The following GNG4 variants were observed in gnomAD, a reference collection of about 807,000 sequenced individuals.
The protein encoded by GNG4 is guanine nucleotide-binding protein G(I)/G(S)/G(O) subunit gamma-4.
In GNG4, 4 loss-of-function variants were observed where a neutral mutation model predicts 5.8. That is an observed-to-expected ratio of 0.69 (90% CI 0.34 to 1.57). The LOEUF (loss-of-function observed/expected upper bound fraction) is 1.57, where lower values mean the gene tolerates loss of function less well. GNG4 is among the 40% of genes most tolerant of loss of function. The probability of loss-of-function intolerance (pLI) is 0.06; values close to 1 mark genes in which losing one functional copy is unlikely to be tolerated. For synonymous variants in GNG4, 29 were observed against 32.9 expected (o/e 0.88, Z 0.41); for missense variants, 96 against 95.1 (o/e 1.01, Z -0.04).
intron 1 of GNG4, among the ~76,000 whole-genome samples, chr1:235,620,041 C>G (rs1289704098): frequency 6.6e-6 from 1 of 152,172 alleles, no homozygotes; most frequent in Non-Finnish European, 1.5e-5. Context: ...CTTTCATAGA[C>G]AGCTACCTCA....
chr1:235,629,156 C>T (rs547631591), intron 1 of GNG4, among the ~76,000 whole-genome samples: 3 of 151,754 alleles, frequency 2.0e-5, no homozygotes, highest in African/African-American at 7.3e-5. Flanking sequence ...TAGCTGAGAC[C>T]CTAGGCACGT....
intron 3 of GNG4, among the ~76,000 whole-genome samples, chr1:235,575,603 G>A (rs547936349): frequency 6.6e-6 from 1 of 152,348 alleles, no homozygotes; most frequent in Admixed American, 6.5e-5. Context: ...CCCCACGGAT[G>A]TTGAAATTAT....
chr1:235,645,383 A>T (rs1225397119), intron 1 of GNG4, among the ~76,000 whole-genome samples: 2 of 152,198 alleles, frequency 1.3e-5, no homozygotes, highest in Non-Finnish European at 2.9e-5. Flanking sequence ...CTTTGCTAGA[A>T]ATCTCTCAAT....
At chr1:235,585,115 TC>T (rs1200540381) in intron 2 of GNG4, among the ~76,000 whole-genome samples, 1 of 151,768 alleles carries the variant, frequency 6.6e-6, no homozygotes, top group East Asian at 1.9e-4. Context: ...CTTCCTTCCT[TC>T]CCTCCCTCCT....
intron 2 of GNG4, among the ~76,000 whole-genome samples, chr1:235,594,205 A>G (rs752756084): frequency 2.0e-5 from 3 of 152,202 alleles, no homozygotes; most frequent in Non-Finnish European, 4.4e-5. Context: ...GTGTCGATTG[A>G]TGCATTCACA....
chr1:235,626,544 G>A (rs1183181328), intron 1 of GNG4, among the ~76,000 whole-genome samples: 2 of 152,080 alleles, frequency 1.3e-5, no homozygotes, highest in African/African-American at 4.8e-5. Flanking sequence ...CCTAATTCTG[G>A]TCCTGCTGAT....
chr1:235,650,541 C>T (rs1045597847), upstream of GNG4: 13 of 152,314 alleles, frequency 8.5e-5, no homozygotes, highest in African/African-American at 3.1e-4. Context: ...CGGAGAAACG[C>T]GGAATACCTG....
intron 1 of GNG4, among the ~76,000 whole-genome samples, chr1:235,634,467 A>G (rs902366743): frequency 1.3e-5 from 2 of 152,204 alleles, no homozygotes; most frequent in Non-Finnish European, 2.9e-5. Flanking sequence ...GCATTTTTCT[A>G]TCAACCGAGG....
At chr1:235,580,106 A>G (rs1376259138) in intron 3 of GNG4, among the ~76,000 whole-genome samples, 1 of 152,244 alleles carries the variant, frequency 6.6e-6, no homozygotes, top group Non-Finnish European at 1.5e-5. Flanking sequence ...GTTCTGATAC[A>G]GGCTACAACA....
chr1:235,636,561 A>T (rs771507889), intron 1 of GNG4, among the ~76,000 whole-genome samples: 2 of 152,178 alleles, frequency 1.3e-5, no homozygotes, highest in Non-Finnish European at 1.5e-5. Context: ...CTCCCATCAG[A>T]GACCTCCCAT....
rs1571889546 is a variant in GNG4 at position 235,578,226 on chromosome 1, A to G, written c.99+5514T>C. 2.0e-5 allele frequency among the ~76,000 whole-genome samples: 3 copies of G among 152,334 alleles called. No homozygotes were observed. In the South Asian group the frequency reaches 6.2e-4, roughly 32 times the overall value. On this transcript the variant is annotated intron_variant, in intron 3 of 3. Transcript: ENST00000391854. ...GGAAATACAAATGAAAGCTACAGCA[A>G]GATATCACATCAAACCTGTTAGGAT...
rs1185566220 is a variant in GNG4 at position 235,569,593 on chromosome 1, G to A, written c.99+14147C>T. On this transcript the variant is annotated intron_variant, in intron 3 of 3. Transcript: ENST00000391854. The stretch of plus-strand genomic sequence containing the variant: ...TGCCCAGGCTGGAGTGCAATGGCAC[G>A]ATCTTGGCTCACTAGATTCCTCATG... Among the ~76,000 whole-genome samples, 4 of 151,390 alleles carry A rather than the reference G, an allele frequency of 2.6e-5. No individual in the cohort carries two copies. The East Asian group carries it at 7.8e-4, about 29-fold the overall frequency.
intron 1 of GNG4, among the ~76,000 whole-genome samples, chr1:235,609,550 T>A (rs572433345): frequency 9.6e-4 from 146 of 152,198 alleles, no homozygotes; most frequent in African/African-American, 3.5e-3. Flanking sequence ...AAAAAAAAAG[T>A]CTTAACATTA....
chr1:235,585,324 C>T (rs904912773), intron 2 of GNG4, among the ~76,000 whole-genome samples: 14 of 152,112 alleles, frequency 9.2e-5, no homozygotes, highest in African/African-American at 3.4e-4. Context: ...ACTGCAGCCT[C>T]AAACTCCTGG....
At chr1:235,631,541 C>T (rs555292630) in intron 1 of GNG4, among the ~76,000 whole-genome samples, 2 of 151,672 alleles carry the variant, frequency 1.3e-5, no homozygotes, top group South Asian at 4.2e-4. Context: ...TGTTTGCATG[C>T]CCAGCGTAGC....
intron 3 of GNG4, among the ~76,000 whole-genome samples, chr1:235,561,091 G>C (rs1166424232): frequency 6.6e-6 from 1 of 152,118 alleles, no homozygotes; most frequent in Non-Finnish European, 1.5e-5. Flanking sequence ...CTCACTGCAA[G>C]CTCCACCTCA....
At chr1:235,565,028 C>A (rs1302623343) in intron 3 of GNG4, among the ~76,000 whole-genome samples, 1 of 152,200 alleles carries the variant, frequency 6.6e-6, no homozygotes, top group Non-Finnish European at 1.5e-5. Flanking sequence ...AACCCTGCAA[C>A]TTCTTTCCTA....
At chr1:235,566,405 G>A (rs1311792068) in intron 3 of GNG4, among the ~76,000 whole-genome samples, 1 of 152,204 alleles carries the variant, frequency 6.6e-6, no homozygotes, top group South Asian at 2.1e-4. Flanking sequence ...AATCTAGCTT[G>A]CATGCTCCTT....
At chr1:235,583,371 C>T (rs1262249963) in intron 3 of GNG4, among the ~76,000 whole-genome samples, 1 of 152,202 alleles carries the variant, frequency 6.6e-6, no homozygotes, top group Non-Finnish European at 1.5e-5. Context: ...ATAATCCTGT[C>T]AAAATATCCG....
Sources: allele counts gnomAD v4.1 joint callset (sites outside exome capture counted in the v4.1 genomes callset), GRCh38; gene constraint gnomAD v4.1.1; transcripts MANE v1.5; gene names NCBI Gene and HGNC (gene_info 2026-07-23, HGNC 2026-07-21).